OOEP: variants seen among roughly 807,000 people sequenced by gnomAD.
The protein encoded by OOEP is oocyte expressed protein.
A neutral mutation model predicts 13.7 loss-of-function variants in OOEP; 16 were observed. That is an observed-to-expected ratio of 1.16 (90% CI 0.79 to 1.77). The LOEUF (loss-of-function observed/expected upper bound fraction) is 1.77, where lower values mean the gene tolerates loss of function less well. OOEP is among the 40% of genes most tolerant of loss of function. The pLI is 0.00. For synonymous variants in OOEP, 89 were observed against 77.1 expected (o/e 1.15, Z -0.81); for missense variants, 195 against 193.1 (o/e 1.01, Z -0.06).
chr6:73,392,582 G>A (rs1219233793), intron 2 of OOEP, among the ~76,000 whole-genome samples: 1 of 146,040 alleles, frequency 6.8e-6, no homozygotes, highest in Non-Finnish European at 1.5e-5. Context: ...GAGATTACAG[G>A]TGTGAGCCAC....
Position 73,368,674 on chromosome 6 carries a change from A to G in OOEP, c.*110T>C. 1 of 724,488 alleles carries G rather than the reference A, an allele frequency of 1.4e-6. No homozygotes were observed. 44.9% of individuals were successfully genotyped at this position (724,488 alleles called of 1,614,324 possible). A position where few individuals can be genotyped will look rare whatever the true frequency, so the allele number is the denominator to read the frequency against. On this transcript the variant is annotated 3_prime_UTR_variant, in exon 3 of 3. Transcript: ENST00000370359. ...CAACAAAATAAACCACAATCCATCA[A>G]GACACAGGAAAAAGGAATACGGGGA...
chr6:73,373,486 G>A (rs1269119228), upstream of OOEP, among the ~76,000 whole-genome samples: 2 of 152,200 alleles, frequency 1.3e-5, no homozygotes, highest in African/African-American at 2.4e-5. Flanking sequence ...TCGAACTCCT[G>A]GGCTCAAGCA....
chr6:73,392,214 A>T (rs1053810976), intron 2 of OOEP, among the ~76,000 whole-genome samples: 7 of 152,254 alleles, frequency 4.6e-5, no homozygotes, highest in African/African-American at 1.7e-4. Context: ...GTTGAATCCA[A>T]CAAAATTCCT....
At chr6:73,371,859 C>G (rs538054371), upstream of OOEP, among the ~76,000 whole-genome samples, 2 of 152,178 alleles carry the variant, frequency 1.3e-5, no homozygotes, top group East Asian at 3.8e-4. Flanking sequence ...ACCCCAGAGG[C>G]AGAGGTTGCA....
At chr6:73,382,837 C>G (rs891835564) in intron 2 of OOEP, among the ~76,000 whole-genome samples, 5 of 147,190 alleles carry the variant, frequency 3.4e-5, no homozygotes, top group Non-Finnish European at 7.4e-5. Flanking sequence ...CCAATATGCT[C>G]AGTGGTTTTT....
chr6:73,373,957 G>A (rs1228932347), upstream of OOEP, among the ~76,000 whole-genome samples: 2 of 152,078 alleles, frequency 1.3e-5, no homozygotes, highest in Non-Finnish European at 2.9e-5. Context: ...CTGGGAGGCT[G>A]AGGCGGGAGG....
chr6:73,385,494 A>T (rs1769261084), intron 2 of OOEP, among the ~76,000 whole-genome samples: 3 of 152,310 alleles, frequency 2.0e-5, no homozygotes, highest in Non-Finnish European at 4.4e-5. Flanking sequence ...AAAGGACAAC[A>T]ACTACATGAA....
intron 2 of OOEP, among the ~76,000 whole-genome samples, chr6:73,386,479 G>A (rs1261724650): frequency 6.6e-6 from 1 of 152,130 alleles, no homozygotes. Flanking sequence ...CAGTAAGGTT[G>A]CAGAATACAA....
At chr6:73,393,369 G>A in intron 2 of OOEP, among the ~76,000 whole-genome samples, 1 of 152,136 alleles carries the variant, frequency 6.6e-6, no homozygotes, top group East Asian at 1.9e-4. Context: ...GAGATTACAG[G>A]TATGAGTTAT....
Position 73,368,580 on chromosome 6 carries a change from T to C in OOEP, c.*204A>G. 1.9e-6 allele frequency: 1 copy of C among 520,438 alleles called. No homozygotes were observed. The highest frequency in any genetic ancestry group is 3.4e-6 in the Non-Finnish European group (1 of 292,520). 32.2% of individuals were successfully genotyped at this position (520,438 alleles called of 1,614,324 possible). A position where few individuals can be genotyped will look rare whatever the true frequency, so the allele number is the denominator to read the frequency against. On this transcript the variant is annotated 3_prime_UTR_variant, in exon 3 of 3. Coordinates refer to ENST00000370359, the MANE Select transcript of OOEP (RefSeq NM_001080507.3). ...TTTTATAAATTTGCTTTATTATAAG[T>C]GTGTGAAGATCTTAATGCTTTTGGC...
intron 2 of OOEP, among the ~76,000 whole-genome samples, chr6:73,389,506 T>G (rs776692146): frequency 6.6e-6 from 1 of 152,058 alleles, no homozygotes; most frequent in African/African-American, 2.4e-5. Context: ...CAAGTTGGGA[T>G]TTAGGATAAT....
intron 2 of OOEP, among the ~76,000 whole-genome samples, chr6:73,382,212 T>TG (rs1769219029): frequency 3.0e-5 from 3 of 101,472 alleles, no homozygotes. Flanking sequence ...CACACCTGGC[T>TG]AATTTTTTTT....
chr6:73,371,202 C>T (rs995117293), upstream of OOEP, among the ~76,000 whole-genome samples: 2 of 152,200 alleles, frequency 1.3e-5, no homozygotes, highest in African/African-American at 2.4e-5. Context: ...CCTGATCCCA[C>T]CCCCTCTCAC....
intron 2 of OOEP, among the ~76,000 whole-genome samples, chr6:73,380,264 T>TC (rs894701507): frequency 6.6e-6 from 1 of 151,408 alleles, no homozygotes; most frequent in African/African-American, 2.4e-5. Context: ...TTTTTTTTTT[T>TC]TGAGACAGGG....
Position 73,382,652 on chromosome 6 carries a change from C to T in OOEP, c.25+11694G>A, listed in dbSNP as rs982759821. On this transcript the variant is annotated intron_variant, in intron 2 of 3. Coordinates refer to the OOEP transcript ENST00000370363. ...TGAGGATTATAGGCATGAGTCACCA[C>T]GCCCAGCCTACTATGTTTGTTTATT... 4.6e-5 allele frequency among the ~76,000 whole-genome samples: 7 copies of T among 151,904 alleles called. No individual in the cohort carries two copies. In the East Asian group the frequency reaches 5.8e-4, roughly 13 times the overall value.
chr6:73,369,170 G>C, intron 2 of OOEP, 36 bp downstream of exon 2: 1 of 1,584,028 alleles, frequency 6.3e-7, no homozygotes, highest in South Asian at 1.1e-5. Context: ...GGTCACTCGT[G>C]GCTTCCTCCA....
upstream of OOEP, among the ~76,000 whole-genome samples, chr6:73,370,448 C>T (rs80270200): frequency 0.039 from 5,846 of 151,680 alleles, 133 homozygotes; most frequent in East Asian, 0.077. Flanking sequence ...GACATTTTTT[C>T]CCAATGTTTG....
chr6:73,380,370 C>A (rs2150781294), intron 2 of OOEP, among the ~76,000 whole-genome samples: 1 of 151,864 alleles, frequency 6.6e-6, no homozygotes, highest in African/African-American at 2.4e-5. Context: ...ATCTCAGCCT[C>A]CTGAGCAGTT....
chr6:73,379,863 C>T (rs1769178528), intron 2 of OOEP, among the ~76,000 whole-genome samples: 1 of 152,096 alleles, frequency 6.6e-6, no homozygotes, highest in African/African-American at 2.4e-5. Context: ...GCTGGGATTA[C>T]AGGCATCAGC....
Sources: gnomAD v4.1 joint callset for allele counts (sites outside exome capture counted in the v4.1 genomes callset) on GRCh38, gnomAD v4.1.1 for gene constraint, MANE v1.5 for transcripts, NCBI Gene and HGNC (gene_info 2026-07-23, HGNC 2026-07-21) for gene names.